Variants in DPYD observed in about 807,000 individuals in gnomAD.
DPYD encodes dihydropyrimidine dehydrogenase [NADP(+)].
Under a neutral mutation model 116.2 loss-of-function variants are expected in DPYD, and 109 were observed. That is an observed-to-expected ratio of 0.94 (90% CI 0.80 to 1.10). The LOEUF (loss-of-function observed/expected upper bound fraction) is 1.10. Ranked by LOEUF, DPYD falls within the 50% of genes least tolerant of loss-of-function variation. The probability of loss-of-function intolerance (pLI) is 0.00; values close to 1 mark genes in which losing one functional copy is unlikely to be tolerated. For missense variants in DPYD, 1,302 were observed against 1,254.5 expected, an observed-to-expected ratio of 1.04 and a Z score of -0.57; for synonymous variants, 440 against 432.0, an observed-to-expected ratio of 1.02 and a Z score of -0.23.
intron 16 of DPYD, among the ~76,000 whole-genome samples, chr1:97,336,160 AC>A (rs1386679108): frequency 5.9e-5 from 9 of 152,204 alleles, no homozygotes; most frequent in Non-Finnish European, 1.0e-4. Context: ...TAATTCAAAC[AC>A]CATGGCACAA....
At chr1:97,408,047 C>T (rs1673775661) in intron 14 of DPYD, among the ~76,000 whole-genome samples, 1 of 152,092 alleles carries the variant, frequency 6.6e-6, no homozygotes, top group African/African-American at 2.4e-5. Context: ...GCATGGAATA[C>T]AGGAGATCCC....
chr1:97,371,120 C>G (rs1037169598), intron 16 of DPYD, among the ~76,000 whole-genome samples: 4 of 151,822 alleles, frequency 2.6e-5, no homozygotes, highest in Non-Finnish European at 5.9e-5. Context: ...GTTGATTACA[C>G]ACAGGCAAAT....
chr1:97,184,314 T>C (rs958939638), intron 20 of DPYD, among the ~76,000 whole-genome samples: 1 of 151,920 alleles, frequency 6.6e-6, no homozygotes, highest in Non-Finnish European at 1.5e-5. Flanking sequence ...ATAGCAGTTC[T>C]TTTTTTTGCT....
chr1:97,883,510 A>G, intron 1 of DPYD, 136 bp from the exon 2 acceptor site: 2 of 695,774 alleles, frequency 2.9e-6, no homozygotes, highest in South Asian at 1.8e-5. Context: ...GCAGTGGTAC[A>G]ATCTCAGTTC....
At chr1:97,152,336 G>T (rs570533572) in intron 20 of DPYD, among the ~76,000 whole-genome samples, 1 of 152,060 alleles carries the variant, frequency 6.6e-6, no homozygotes, top group African/African-American at 2.4e-5. Context: ...GTATTCTGTG[G>T]AGTGAGATTT....
chr1:97,118,822 T>C (rs1376650165), intron 20 of DPYD, among the ~76,000 whole-genome samples: 1 of 140,600 alleles, frequency 7.1e-6, no homozygotes, highest in Non-Finnish European at 1.6e-5. Context: ...TTCAAAACTT[T>C]CAAAAAACTT....
rs1052820590 is a variant in DPYD, at chr1:97,471,279, T to C, written c.1741-21056A>G. On this transcript the variant is annotated intron_variant, in intron 13 of 22. Coordinates refer to ENST00000370192, the MANE Select transcript of DPYD (RefSeq NM_000110.4). ...AATAGGGAAATTATAAAAACAAAGA[T>C]GGGGGTCCCAGGACAGGGAATAAAA... Among the ~76,000 whole-genome samples the C allele has an allele frequency of 2.6e-5, 4 of 151,840 alleles. No individual in the cohort carries two copies. The South Asian group carries it at 8.3e-4, about 32-fold the overall frequency.
chr1:97,530,214 C>CTTTTTTTT (rs57740723), intron 12 of DPYD, among the ~76,000 whole-genome samples: 35 of 112,714 alleles, frequency 3.1e-4, no homozygotes, highest in African/African-American at 7.0e-4. Context: ...CTTTTTTTTT[C>CTTTTTTTT]TTTTTTTTTT....
chr1:97,469,397 C>CAAAAAAAAAAAATAAA (rs1677504371), intron 13 of DPYD, among the ~76,000 whole-genome samples: 1 of 80,800 alleles, frequency 1.2e-5, no homozygotes, highest in African/African-American at 5.4e-5. Context: ...GCTAAAATTG[C>CAAAAAAAAAAAATAAA]AAAAAAAAAA....
At chr1:97,588,304 C>T (rs1029535053) in intron 10 of DPYD, among the ~76,000 whole-genome samples, 5 of 152,080 alleles carry the variant, frequency 3.3e-5, no homozygotes, top group Non-Finnish European at 7.4e-5. Context: ...TCGTGTTTTG[C>T]TCCTATTGGA....
At chr1:97,902,424 A>C (rs891784461) in intron 1 of DPYD, among the ~76,000 whole-genome samples, 19 of 151,784 alleles carry the variant, frequency 1.3e-4, no homozygotes, top group Non-Finnish European at 1.9e-4. Context: ...AATAATATAG[A>C]CCAGAGAGGC....
At chr1:97,729,189 C>T (rs1432292577) in intron 4 of DPYD, among the ~76,000 whole-genome samples, 1 of 152,010 alleles carries the variant, frequency 6.6e-6, no homozygotes, top group Admixed American at 6.6e-5. Flanking sequence ...AACAAAAACA[C>T]AGGCACATAC....
intron 11 of DPYD, among the ~76,000 whole-genome samples, 160 bp downstream of exon 11, chr1:97,573,600 A>G (rs1462461257): frequency 6.6e-6 from 1 of 152,192 alleles, no homozygotes; most frequent in East Asian, 1.9e-4. Context: ...TAAGCATTAA[A>G]TAACATTTCT....
In DPYD at chr1:97,816,341, G is replaced by A. The variant is rs148090963; in HGVS notation, c.233+11773C>T. 1.4e-4 allele frequency among the ~76,000 whole-genome samples: 21 copies of A among 151,474 alleles called. No homozygotes were observed. In the East Asian group the frequency reaches 4.1e-3, roughly 29 times the overall value. ...ACCCTCTTTGTAGACTACAAGAAAA[G>A]TATTCAAGATTCACTAATTTATTAA... On this transcript the variant is annotated intron_variant, in intron 3 of 22. Coordinates refer to ENST00000370192, the MANE Select transcript of DPYD (RefSeq NM_000110.4).
chr1:97,841,108 T>A (rs1571449940), intron 2 of DPYD, among the ~76,000 whole-genome samples: 1 of 152,050 alleles, frequency 6.6e-6, no homozygotes, highest in Non-Finnish European at 1.5e-5. Flanking sequence ...ATTCATTTTT[T>A]AAAAAATGTA....
intron 18 of DPYD, among the ~76,000 whole-genome samples, chr1:97,270,658 C>G (rs1230063548): frequency 6.6e-6 from 1 of 152,084 alleles, no homozygotes; most frequent in Non-Finnish European, 1.5e-5. Flanking sequence ...GCTGTGAACA[C>G]TGGGAATTTG....
intron 3 of DPYD, among the ~76,000 whole-genome samples, chr1:97,778,211 A>AGAGAGGGAGG (rs1666533124): frequency 7.8e-6 from 1 of 127,714 alleles, no homozygotes; most frequent in Non-Finnish European, 1.6e-5. Flanking sequence ...AGAGAGAGAG[A>AGAGAGGGAGG]GAGAGAGAGG....
intron 1 of DPYD, among the ~76,000 whole-genome samples, chr1:97,885,172 A>G (rs1355386895): frequency 6.6e-6 from 1 of 152,062 alleles, no homozygotes; most frequent in Non-Finnish European, 1.5e-5. Flanking sequence ...ACCAAATCCA[A>G]GATCACCTTC....
At chr1:97,250,160 C>T (rs923872382) in intron 18 of DPYD, among the ~76,000 whole-genome samples, 14 of 152,034 alleles carry the variant, frequency 9.2e-5, no homozygotes, top group Non-Finnish European at 1.8e-4. Context: ...ATCCCAGCTA[C>T]TCAGGAAGCT....
Sources: allele counts gnomAD v4.1 joint callset (sites outside exome capture counted in the v4.1 genomes callset), GRCh38; gene constraint gnomAD v4.1.1; transcripts MANE v1.5; gene names NCBI Gene and HGNC (gene_info 2026-07-23, HGNC 2026-07-21).